CCBE1: variants seen among roughly 807,000 people sequenced by gnomAD.
CCBE1 encodes collagen and calcium binding EGF domains 1.
CCBE1 carries 37 observed loss-of-function variants against 50.0 expected under a neutral mutation model. The observed-to-expected ratio is 0.74, with a 90% CI of 0.57 to 0.97. The LOEUF (loss-of-function observed/expected upper bound fraction) is 0.97, where lower values mean the gene tolerates loss of function less well. CCBE1 is among the 50% of genes least tolerant of loss of function. CCBE1 has a pLI of 0.00. For synonymous variants in CCBE1, 234 were observed against 203.7 expected, an observed-to-expected ratio of 1.15 and a Z score of -1.27; for missense variants, 538 against 523.8, an observed-to-expected ratio of 1.03 and a Z score of -0.26.
chr18:59,515,493 C>CTA (rs1364703509), intron 2 of CCBE1, among the ~76,000 whole-genome samples: 29 of 152,138 alleles, frequency 1.9e-4, no homozygotes. Flanking sequence ...CTCAGAGTTA[C>CTA]TATGTTCCAA....
intron 2 of CCBE1, among the ~76,000 whole-genome samples, chr18:59,618,731 A>G (rs2053671393): frequency 6.6e-6 from 1 of 152,132 alleles, no homozygotes; most frequent in African/African-American, 2.4e-5. Flanking sequence ...CCCGGCCTAG[A>G]AAAGTTTCTT....
chr18:59,446,145 T>G (rs934308458), intron 7 of CCBE1, among the ~76,000 whole-genome samples: 11 of 152,220 alleles, frequency 7.2e-5, no homozygotes, highest in Non-Finnish European at 1.6e-4. Context: ...TTGCAAAAGC[T>G]TATTCATCCT....
At chr18:59,545,351 A>C (rs1481563062) in intron 2 of CCBE1, among the ~76,000 whole-genome samples, 1 of 147,118 alleles carries the variant, frequency 6.8e-6, no homozygotes, top group African/African-American at 2.4e-5. Flanking sequence ...CTCTCAACAC[A>C]ATTTCACTTC....
intron 2 of CCBE1, among the ~76,000 whole-genome samples, chr18:59,538,354 C>G (rs533486018): frequency 6.6e-6 from 1 of 152,174 alleles, no homozygotes; most frequent in South Asian, 2.1e-4. Flanking sequence ...GTTATTTTTC[C>G]TTGGAACAGC....
At chr18:59,622,942 C>T (rs2053732854) in intron 2 of CCBE1, among the ~76,000 whole-genome samples, 1 of 151,786 alleles carries the variant, frequency 6.6e-6, no homozygotes, top group Admixed American at 6.6e-5. Flanking sequence ...ATGGAAAATA[C>T]ATGTCATGAT....
chr18:59,473,565 T>C lies in CCBE1; in HGVS notation c.266-3958A>G, dbSNP rs1027846520. 4.2e-5 allele frequency among the ~76,000 whole-genome samples: 4 copies of C among 95,644 alleles called. No individual in the cohort carries two copies. The East Asian group carries it at 1.3e-3, about 30-fold the overall frequency. The allele number at this position is 95,644 out of a possible 152,430, so 62.7% of individuals were successfully genotyped here. ...TGCATCCCCTGGACTTTATGTCTAA[T>C]ATTCTCATCTTTTTTTTTCCCTATT... On this transcript the variant is annotated intron_variant, in intron 3 of 10. Coordinates refer to ENST00000439986, the MANE Select transcript of CCBE1 (RefSeq NM_133459.4).
chr18:59,651,347 A>G (rs1400388434), intron 2 of CCBE1, among the ~76,000 whole-genome samples: 3 of 152,210 alleles, frequency 2.0e-5, no homozygotes, highest in Non-Finnish European at 2.9e-5. Flanking sequence ...CCACCGGGTT[A>G]TGGGAACAAA....
chr18:59,644,244 C>T (rs976732329), intron 2 of CCBE1, among the ~76,000 whole-genome samples: 16 of 152,298 alleles, frequency 1.1e-4, no homozygotes, highest in Middle Eastern at 3.4e-3. Context: ...TGAGAGGAGG[C>T]GGAGCTCAGG....
intron 2 of CCBE1, among the ~76,000 whole-genome samples, chr18:59,561,130 G>A (rs2052730574): frequency 6.6e-6 from 1 of 152,218 alleles, no homozygotes. Context: ...GCTCAGGGCA[G>A]TGTAAATGAT....
At chr18:59,696,305 C>T (rs914199518) in intron 2 of CCBE1, among the ~76,000 whole-genome samples, 6 of 152,196 alleles carry the variant, frequency 3.9e-5, no homozygotes, top group African/African-American at 1.4e-4. Context: ...AAGCAGCCAC[C>T]CGTGTTTGCT....
intron 2 of CCBE1, among the ~76,000 whole-genome samples, chr18:59,529,402 G>A (rs1379321287): frequency 1.3e-5 from 2 of 152,222 alleles, no homozygotes; most frequent in Admixed American, 1.3e-4. Context: ...CTCTCCCCGG[G>A]AACTTGTAGT....
intron 2 of CCBE1, among the ~76,000 whole-genome samples, chr18:59,601,826 T>A (rs1330705846): frequency 6.6e-6 from 1 of 152,210 alleles, no homozygotes; most frequent in Non-Finnish European, 1.5e-5. Context: ...ATTCTCTATT[T>A]AAATCTTTGA....
chr18:59,653,900 C>T (rs1006277675), intron 2 of CCBE1, among the ~76,000 whole-genome samples: 6 of 152,074 alleles, frequency 3.9e-5, no homozygotes, highest in Admixed American at 6.5e-5. Context: ...TTCTTATGGA[C>T]ATATCATAAG....
At chr18:59,597,561 AAGT>A (rs74536172) in intron 2 of CCBE1, among the ~76,000 whole-genome samples, 5 of 151,564 alleles carry the variant, frequency 3.3e-5, no homozygotes, top group African/African-American at 1.2e-4. Flanking sequence ...ACTACAAAAA[AAGT>A]AGTAGTAGTA....
At chr18:59,673,874 G>A (rs1232657613) in intron 2 of CCBE1, among the ~76,000 whole-genome samples, 1 of 152,184 alleles carries the variant, frequency 6.6e-6, no homozygotes, top group East Asian at 1.9e-4. Context: ...TCACATCAAC[G>A]TTCATCAGGG....
intron 7 of CCBE1, among the ~76,000 whole-genome samples, chr18:59,441,108 C>T (rs746421270): frequency 3.3e-5 from 5 of 152,206 alleles, no homozygotes; most frequent in African/African-American, 4.8e-5. Context: ...ATGGCAGTGG[C>T]CTGACAAAAG....
chr18:59,544,107 T>C (rs1915590433), intron 2 of CCBE1, among the ~76,000 whole-genome samples: 1 of 152,286 alleles, frequency 6.6e-6, no homozygotes, highest in South Asian at 2.1e-4. Context: ...ACACAAAAAC[T>C]AAAATAATTT....
chr18:59,594,169 C>A (rs1219416070), intron 2 of CCBE1, among the ~76,000 whole-genome samples: 1 of 152,228 alleles, frequency 6.6e-6, no homozygotes, highest in African/African-American at 2.4e-5. Context: ...ATTACCTATC[C>A]TCCTCCTTAA....
intron 2 of CCBE1, among the ~76,000 whole-genome samples, chr18:59,583,280 C>CA (rs1207378870): frequency 2.6e-5 from 4 of 151,922 alleles, no homozygotes; most frequent in African/African-American, 7.3e-5. Context: ...ACAAAACAAA[C>CA]AAAAAAACCC....
Sources: allele counts gnomAD v4.1 joint callset (sites outside exome capture counted in the v4.1 genomes callset), GRCh38; gene constraint gnomAD v4.1.1; transcripts MANE v1.5; gene names NCBI Gene and HGNC (gene_info 2026-07-23, HGNC 2026-07-21).